Variants in NBEA observed in about 807,000 individuals in gnomAD.
The protein encoded by NBEA is neurobeachin.
Under a neutral mutation model 343.4 loss-of-function variants are expected in NBEA, and 44 were observed. The ratio of observed to expected loss-of-function variants is 0.13; its 90% CI spans 0.10 to 0.16. The LOEUF is 0.16. Among genes scored for constraint, NBEA ranks in the 10% least tolerant of loss-of-function variants. NBEA has a pLI of 1.00. For missense variants in NBEA, 2,555 were observed against 3,631.3 expected, an observed-to-expected ratio of 0.70 and a Z score of 7.62; for synonymous variants, 1,175 against 1,238.7, an observed-to-expected ratio of 0.95 and a Z score of 1.08.
chr13:35,289,851 G>T (rs2035688316), intron 34 of NBEA, among the ~76,000 whole-genome samples: 12 of 151,602 alleles, frequency 7.9e-5, no homozygotes, highest in Admixed American at 7.3e-4. Context: ...TATAAGCATT[G>T]CTTGATGTGT....
At chr13:35,015,127 G>GAAAAAAAAACAAAAAAAAAA (rs2061607954) in intron 1 of NBEA, among the ~76,000 whole-genome samples, 1 of 18,316 alleles carries the variant, frequency 5.5e-5, no homozygotes, top group Non-Finnish European at 8.8e-5. Flanking sequence ...AACGAGATCT[G>GAAAAAAAAACAAAAAAAAAA]AAAAAAAAAA....
intron 38 of NBEA, among the ~76,000 whole-genome samples, chr13:35,423,465 T>G (rs2044432017): frequency 6.6e-6 from 1 of 152,216 alleles, no homozygotes; most frequent in South Asian, 2.1e-4. Flanking sequence ...GTTGTAGATA[T>G]GCGTCATTAT....
At chr13:35,314,312 G>A (rs952407669) in intron 36 of NBEA, among the ~76,000 whole-genome samples, 1 of 152,104 alleles carries the variant, frequency 6.6e-6, no homozygotes, top group African/African-American at 2.4e-5. Flanking sequence ...GCAATTTGGG[G>A]GAGCCAATTG....
At chr13:34,993,963 T>G (rs2152518700) in intron 1 of NBEA, among the ~76,000 whole-genome samples, 1 of 152,056 alleles carries the variant, frequency 6.6e-6, no homozygotes, top group East Asian at 1.9e-4. Context: ...TTTGGGAGGC[T>G]GAGGCAGGTG....
intron 1 of NBEA, among the ~76,000 whole-genome samples, chr13:35,018,283 C>CA (rs374470156): frequency 6.6e-6 from 1 of 151,942 alleles, no homozygotes; most frequent in African/African-American, 2.4e-5. Context: ...ATTTTTCTAA[C>CA]AAAAAACCAG....
chr13:35,541,789 A>G (rs1324537386), intron 41 of NBEA, among the ~76,000 whole-genome samples: 1 of 147,728 alleles, frequency 6.8e-6, no homozygotes, highest in African/African-American at 2.5e-5. Context: ...CACATGCACA[A>G]AAAGGTAGGG....
chr13:35,160,097 A>G lies in NBEA; in HGVS notation c.3861+65A>G. On this transcript the variant is annotated intron_variant, in intron 22 of 58. Coordinates refer to ENST00000379939, the MANE Select transcript of NBEA (RefSeq NM_001385012.1). The stretch of plus-strand genomic sequence containing the variant: ...GCATTGAAGAGTTGTTAGCACCAAA[A>G]CAGAGTAATTTCTTATCAGTTACTT... 2.9e-6 allele frequency: 4 copies of G among 1,365,786 alleles called. No individual in the cohort carries two copies. The South Asian group carries it at 4.7e-5, about 16-fold the overall frequency. 84.6% of individuals were successfully genotyped at this position (1,365,786 alleles called of 1,614,324 possible).
chr13:35,178,394 A>C (rs1159629188), intron 28 of NBEA, among the ~76,000 whole-genome samples: 1 of 151,644 alleles, frequency 6.6e-6, no homozygotes, highest in East Asian at 1.9e-4. Flanking sequence ...TTGGCCTAAA[A>C]ATTCTTGGCG....
chr13:35,062,426 T>G (rs2063501010), intron 8 of NBEA, among the ~76,000 whole-genome samples: 2 of 151,658 alleles, frequency 1.3e-5, no homozygotes, highest in African/African-American at 4.8e-5. Flanking sequence ...AAAAAATATT[T>G]GAATAAATGA....
At chr13:35,379,088 T>G (rs1473758439) in intron 38 of NBEA, among the ~76,000 whole-genome samples, 1 of 152,098 alleles carries the variant, frequency 6.6e-6, no homozygotes, top group East Asian at 1.9e-4. Flanking sequence ...ATATTTGTTT[T>G]TTTTTTTATG....
chr13:35,609,255 A>T (rs2082405489), intron 48 of NBEA, among the ~76,000 whole-genome samples: 1 of 152,244 alleles, frequency 6.6e-6, no homozygotes, highest in Non-Finnish European at 1.5e-5. Context: ...ACATGCAGTA[A>T]TGCAGACTGG....
rs1053525768 is a variant in NBEA at position 35,157,189 on chromosome 13, G to T, written c.2763G>T (p.Arg921=). The change falls in exon 21 of 59, where the codon CGG becomes CGT. Residue 921 remains arginine, a synonymous_variant. Transcript: ENST00000379939. ...CCGAAATGGTCTACAATATCTTCCGGATTCTTTTGTATCATGCAATAAAAT... is the reference window on the plus strand; with the variant it reads ...CCGAAATGGTCTACAATATCTTCCGTATTCTTTTGTATCATGCAATAAAAT... ...KITEMVYNIF[R]ILLYHAIKYE... 28 of 1,610,436 alleles carry T rather than the reference G, an allele frequency of 1.7e-5. No homozygotes were observed. In the Admixed American group the frequency reaches 3.4e-4, roughly 19 times the overall value.
intron 41 of NBEA, among the ~76,000 whole-genome samples, chr13:35,525,046 T>G (rs2077901031): frequency 6.6e-6 from 1 of 152,184 alleles, no homozygotes; most frequent in Admixed American, 6.5e-5. Context: ...CTTTATCCTT[T>G]TAAATGTCCT....
At chr13:35,577,902 C>G (rs145627766) in intron 45 of NBEA, among the ~76,000 whole-genome samples, 4 of 152,034 alleles carry the variant, frequency 2.6e-5, no homozygotes, top group Non-Finnish European at 4.4e-5. Context: ...AAAAGGGAGC[C>G]CGGGAATTTA....
intron 38 of NBEA, among the ~76,000 whole-genome samples, chr13:35,411,423 G>A (rs2152917113): frequency 6.6e-6 from 1 of 151,378 alleles, no homozygotes; most frequent in Admixed American, 6.6e-5. Flanking sequence ...ATTTGCCTCT[G>A]CCTCTGCAGG....
chr13:35,561,784 G>A (rs1192473524), intron 44 of NBEA, among the ~76,000 whole-genome samples: 1 of 152,056 alleles, frequency 6.6e-6, no homozygotes, highest in East Asian at 1.9e-4. Context: ...CACATTTACT[G>A]TATGTAAGTT....
chr13:35,619,305 C>A (rs1329424902), intron 48 of NBEA, among the ~76,000 whole-genome samples: 2 of 151,894 alleles, frequency 1.3e-5, no homozygotes, highest in Non-Finnish European at 2.9e-5. Context: ...GCACCAGGTT[C>A]TAGAGGCCAA....
intron 24 of NBEA, among the ~76,000 whole-genome samples, chr13:35,166,361 AT>A (rs1022918870): frequency 2.0e-5 from 3 of 152,146 alleles, no homozygotes; most frequent in African/African-American, 7.2e-5. Flanking sequence ...AAATTTGCTT[AT>A]TTGTTTTATG....
intron 56 of NBEA, among the ~76,000 whole-genome samples, chr13:35,666,622 C>T (rs774870760): frequency 5.9e-5 from 9 of 152,090 alleles, no homozygotes; most frequent in Non-Finnish European, 1.0e-4. Context: ...AAAATAAACA[C>T]GTAATTCATA....
Sources: allele counts gnomAD v4.1 joint callset (sites outside exome capture counted in the v4.1 genomes callset), GRCh38; gene constraint gnomAD v4.1.1; transcripts MANE v1.5; gene names NCBI Gene and HGNC (gene_info 2026-07-23, HGNC 2026-07-21).